The following STAC variants were observed in gnomAD, a reference collection of about 807,000 sequenced individuals.
STAC encodes SH3 and cysteine rich domain.
A neutral mutation model predicts 48.8 loss-of-function variants in STAC; 43 were observed. That is an observed-to-expected ratio of 0.88 (90% CI 0.69 to 1.14). The LOEUF is 1.14. Ranked by LOEUF, STAC falls within the 50% of genes most tolerant of loss-of-function variation. STAC has a pLI of 0.00. For missense variants in STAC, 497 were observed against 504.0 expected, an observed-to-expected ratio of 0.99 and a Z score of 0.13; for synonymous variants, 193 against 179.5, an observed-to-expected ratio of 1.07 and a Z score of -0.60.
At chr3:36,386,870 C>A (rs1699627072) in intron 1 of STAC, among the ~76,000 whole-genome samples, 1 of 152,098 alleles carries the variant, frequency 6.6e-6, no homozygotes, top group Admixed American at 6.6e-5. Flanking sequence ...TGATTCCTTG[C>A]ATTTCCACGT....
intron 1 of STAC, among the ~76,000 whole-genome samples, chr3:36,396,194 A>G (rs901147328): frequency 2.6e-5 from 4 of 152,156 alleles, no homozygotes; most frequent in Non-Finnish European, 4.4e-5. Context: ...TTTAGCAGAT[A>G]TTGAACCAAA....
intron 1 of STAC, among the ~76,000 whole-genome samples, chr3:36,398,225 A>G (rs766924031): frequency 6.6e-6 from 1 of 151,848 alleles, no homozygotes; most frequent in African/African-American, 2.4e-5. Context: ...TGGTCAGACT[A>G]AAATGTTACC....
intron 8 of STAC, among the ~76,000 whole-genome samples, chr3:36,515,867 T>G (rs981170906): frequency 6.6e-6 from 1 of 151,868 alleles, no homozygotes; most frequent in African/African-American, 2.4e-5. Context: ...GGAGCCCACC[T>G]GGGGAGATAT....
At chr3:36,419,159 T>C (rs373129141) in intron 1 of STAC, among the ~76,000 whole-genome samples, 5 of 152,338 alleles carry the variant, frequency 3.3e-5, no homozygotes, top group African/African-American at 1.2e-4. Context: ...ACCACTAAGT[T>C]TGACTCTGTC....
chr3:36,482,338 T>C (rs954815998), intron 2 of STAC, among the ~76,000 whole-genome samples: 3 of 152,232 alleles, frequency 2.0e-5, no homozygotes, highest in South Asian at 2.1e-4. Context: ...TGCATGAAGA[T>C]ACCAGGATGG....
chr3:36,510,806 G>GA (rs1698518782), intron 8 of STAC, among the ~76,000 whole-genome samples: 2 of 152,042 alleles, frequency 1.3e-5, no homozygotes, highest in Admixed American at 1.3e-4. Flanking sequence ...GGGGCCTGTT[G>GA]GGGGTTGGGG....
intron 1 of STAC, chr3:36,409,452 TTTGC>T (rs1700147418): frequency 6.6e-6 from 1 of 152,100 alleles, no homozygotes; most frequent in African/African-American, 2.4e-5. Context: ...CTCAGTGAGG[TTTGC>T]TTGTTTTCGT....
intron 1 of STAC, among the ~76,000 whole-genome samples, chr3:36,428,687 G>A (rs192397296): frequency 6.6e-6 from 1 of 152,298 alleles, no homozygotes; most frequent in Non-Finnish European, 1.5e-5. Context: ...CAGAACAACA[G>A]GGGTGAAGGC....
chr3:36,541,449 T>G (rs141683425), intron 10 of STAC, among the ~76,000 whole-genome samples: 83 of 152,248 alleles, frequency 5.5e-4, no homozygotes, highest in Admixed American at 1.6e-3. Context: ...GAACAGTGAG[T>G]GATTGATGCA....
At chr3:36,424,353 A>C (rs931528096) in intron 1 of STAC, among the ~76,000 whole-genome samples, 9 of 152,268 alleles carry the variant, frequency 5.9e-5, no homozygotes, top group African/African-American at 2.2e-4. Flanking sequence ...GAGAGCAATG[A>C]AGTTTATTTT....
At chr3:36,540,729 A>C (rs776099520) in intron 10 of STAC, among the ~76,000 whole-genome samples, 1 of 152,078 alleles carries the variant, frequency 6.6e-6, no homozygotes, top group Non-Finnish European at 1.5e-5. Flanking sequence ...ATAATCCCCT[A>C]TAGAAAAAGC....
chr3:36,492,928 C>T (rs1271032525), intron 5 of STAC, among the ~76,000 whole-genome samples: 2 of 152,156 alleles, frequency 1.3e-5, no homozygotes, highest in African/African-American at 2.4e-5. Flanking sequence ...TCACTGGATA[C>T]CTACCATCAC....
chr3:36,466,271 A>G (rs1472902668), intron 2 of STAC, among the ~76,000 whole-genome samples: 1 of 152,090 alleles, frequency 6.6e-6, no homozygotes, highest in African/African-American at 2.4e-5. Flanking sequence ...GCCTATTTTT[A>G]TACCAGTACC....
chr3:36,510,383 G>A (rs1202480729), intron 8 of STAC, among the ~76,000 whole-genome samples: 1 of 152,180 alleles, frequency 6.6e-6, no homozygotes, highest in Non-Finnish European at 1.5e-5. Flanking sequence ...AACCATTGTG[G>A]AAAACAGTGT....
chr3:36,520,394 T>C (rs1698772591), intron 8 of STAC, among the ~76,000 whole-genome samples: 1 of 152,184 alleles, frequency 6.6e-6, no homozygotes. Context: ...AGTGGGCCAG[T>C]GGCAGACTCA....
chr3:36,521,532 C>T (rs1698805429), intron 8 of STAC, among the ~76,000 whole-genome samples: 1 of 152,016 alleles, frequency 6.6e-6, no homozygotes. Flanking sequence ...GTGGTCACTA[C>T]GTGGAGTGGA....
At chr3:36,415,758 C>T (rs76854612) in intron 1 of STAC, among the ~76,000 whole-genome samples, 4,832 of 152,154 alleles carry the variant, frequency 0.032, 268 homozygotes, top group African/African-American at 0.11. Context: ...ATCTTGGAAC[C>T]GCCCTAGATA....
intron 1 of STAC, among the ~76,000 whole-genome samples, chr3:36,432,909 G>A (rs1017139120): frequency 1.4e-4 from 21 of 152,132 alleles, no homozygotes; most frequent in Admixed American, 1.1e-3. Context: ...AAGATAACCC[G>A]TGTAAAGTCC....
chr3:36,526,967 T>C (rs994760395), intron 8 of STAC, among the ~76,000 whole-genome samples: 2 of 152,210 alleles, frequency 1.3e-5, no homozygotes, highest in African/African-American at 4.8e-5. Flanking sequence ...ACTGCTTATC[T>C]GCTATACGTT....
Sources: gnomAD v4.1 joint callset for allele counts (sites outside exome capture counted in the v4.1 genomes callset) on GRCh38, gnomAD v4.1.1 for gene constraint, MANE v1.5 for transcripts, NCBI Gene and HGNC (gene_info 2026-07-23, HGNC 2026-07-21) for gene names.